ADGRA2: variants seen among roughly 807,000 people sequenced by gnomAD.
The protein encoded by ADGRA2 is G-protein coupled receptor 124.
A neutral mutation model predicts 98.7 loss-of-function variants in ADGRA2; 61 were observed. The ratio of observed to expected loss-of-function variants is 0.62; its 90% confidence interval spans 0.50 to 0.76. ADGRA2 has a LOEUF of 0.76. ADGRA2 is among the 30% of genes least tolerant of loss of function. ADGRA2 has a pLI of 0.00. For missense variants in ADGRA2, 1,712 were observed against 1,860.0 expected (o/e 0.92, Z 1.46); for synonymous variants, 858 against 831.5 (o/e 1.03, Z -0.55).
At chr8:37,829,624 A>C (rs1041841486) in intron 5 of ADGRA2, 65 bp downstream of exon 5, 8 of 1,212,286 alleles carry the variant, frequency 6.6e-6, no homozygotes, top group Admixed American at 5.1e-5. Flanking sequence ...GGAGAGATGT[A>C]TAAGTATCAT....
intron 2 of ADGRA2, 63 bp downstream of exon 2, chr8:37,815,030 G>T: frequency 8.9e-7 from 1 of 1,120,470 alleles, no homozygotes. Context: ...GGTCACCCCG[G>T]GGAGGAGGAG....
chr8:37,828,840 C>A, intron 2 of ADGRA2, 48 bp from the exon 3 acceptor site: 2 of 1,485,796 alleles, frequency 1.3e-6, no homozygotes, highest in Non-Finnish European at 1.8e-6. Flanking sequence ...GGGAGCAGGG[C>A]GGCTCCAGCG....
In ADGRA2 at chr8:37,841,174, G is replaced by T. The variant is rs201911857; in HGVS notation, c.2836G>T (p.Ala946Ser). The T allele has an allele frequency of 1.2e-6, 2 of 1,612,976 alleles. No individual in the cohort carries two copies. Among genetic ancestry groups the T allele is most frequent in the Non-Finnish European group, 8.5e-7 (1 of 1,179,994 alleles). ...CATCACCTGGATCTATTTCCTGTGC[G>T]CCGGGCTACGCTTACGGGGTCCTCT... ...LLITWIYFLC[A>S]GLRLRGPLAQ... is the part of the protein sequence containing the mutation. The change falls in exon 19 of 19, where the codon GCC (alanine) becomes TCC (serine). Residue 946 changes from alanine to serine, a missense_variant. By Grantham distance (99) the Ala-to-Ser change is moderately conservative. Transcript: ENST00000412232. This position sits in a 1 kb window ranked among gnomAD's most constrained non-coding sequence, Gnocchi z 5.0.
chr8:37,827,537 T>C (rs1285302214), intron 2 of ADGRA2, among the ~76,000 whole-genome samples: 1 of 152,214 alleles, frequency 6.6e-6, no homozygotes, highest in African/African-American at 2.4e-5. Flanking sequence ...GCTGCGGACT[T>C]ACCTGCCGCT....
intron 4 of ADGRA2, 37 bp downstream of exon 4, chr8:37,829,369 G>A: frequency 6.3e-7 from 1 of 1,585,322 alleles, no homozygotes. Context: ...GGGGAGGAGA[G>A]GGAAGAAGTG....
At chr8:37,829,168 A>C in intron 3 of ADGRA2, 93 bp from the exon 4 acceptor site, 2 of 966,938 alleles carry the variant, frequency 2.1e-6, no homozygotes, top group Non-Finnish European at 3.3e-6. Context: ...CCCACCCCCC[A>C]ACACAAGCCC....
chr8:37,816,024 G>A (rs7823249), intron 2 of ADGRA2, among the ~76,000 whole-genome samples: 2 of 152,030 alleles, frequency 1.3e-5, no homozygotes, highest in Non-Finnish European at 2.9e-5. Flanking sequence ...GCCCAAATGG[G>A]TCAGCGCAAT....
In ADGRA2 at chr8:37,843,540, A is replaced by G. The variant is rs1805879254; in HGVS notation, c.*1185A>G. 1 of 152,262 alleles carries G rather than the reference A, an allele frequency of 6.6e-6. No individual in the cohort carries two copies. The highest frequency in any genetic ancestry group is 1.5e-5 in the Non-Finnish European group (1 of 68,092). The allele number at this position is 152,262 out of a possible 1,614,324, so 9.4% of individuals were successfully genotyped here. A position where few individuals can be genotyped will look rare whatever the true frequency, so the allele number is the denominator to read the frequency against. ...AAACCAACCACCAGCATTTCACTAC[A>G]GGACCAAATGGAAACCGAGGGAACC... On this transcript the variant is annotated 3_prime_UTR_variant, in exon 19 of 19. Coordinates refer to ENST00000412232, the MANE Select transcript of ADGRA2 (RefSeq NM_032777.10).
Position 37,797,399 on chromosome 8 carries a change from G to A in ADGRA2, c.131G>A (p.Cys44Tyr). 7.0e-7 allele frequency: 1 copy of A among 1,434,170 alleles called. No individual in the cohort carries two copies. The highest frequency in any genetic ancestry group is 9.2e-7 in the Non-Finnish European group (1 of 1,092,074). 88.8% of individuals were successfully genotyped at this position (1,434,170 alleles called of 1,614,324 possible). A position where few individuals can be genotyped will look rare whatever the true frequency, so the allele number is the denominator to read the frequency against. Residue 44 changes from cysteine to tyrosine, a missense_variant, in exon 1 of 19, where the codon TGC becomes TAC. Coordinates refer to ENST00000412232, the MANE Select transcript of ADGRA2 (RefSeq NM_032777.10). The surrounding 1 kb of genome is among the most constrained non-coding windows in gnomAD (Gnocchi z 5.3). ...GGCTGCCCGCTATCCATCCGCAGCT[G>A]CAAGTGCTCGGGGGAGCGGCCCAAG... ...APGCPLSIRS[C>Y]KCSGERPKGL...
intron 2 of ADGRA2, among the ~76,000 whole-genome samples, chr8:37,824,002 C>T (rs1805197138): frequency 6.6e-6 from 1 of 151,756 alleles, no homozygotes. Context: ...CTGTGGTTCT[C>T]TTTCACTTTC....
At chr8:37,840,683 A>G (rs1805760898) in intron 17 of ADGRA2, 77 bp from the exon 18 acceptor site, 1 of 799,326 alleles carries the variant, frequency 1.3e-6, no homozygotes, top group African/African-American at 1.7e-5. Flanking sequence ...AGAAACATCA[A>G]GCAAAGGGCT....
At chr8:37,827,581 C>T (rs969204348) in intron 2 of ADGRA2, among the ~76,000 whole-genome samples, 2 of 152,238 alleles carry the variant, frequency 1.3e-5, no homozygotes, top group Non-Finnish European at 2.9e-5. Context: ...CCCTGGGATC[C>T]CTGGGGGGTC....
intron 2 of ADGRA2, among the ~76,000 whole-genome samples, chr8:37,824,216 G>T (rs1805203697): frequency 6.6e-6 from 1 of 151,874 alleles, no homozygotes; most frequent in Admixed American, 6.6e-5. Flanking sequence ...ATTTTTAGTA[G>T]AGATGGGTTT....
chr8:37,820,400 G>A (rs1017255995), intron 2 of ADGRA2, among the ~76,000 whole-genome samples: 46 of 152,188 alleles, frequency 3.0e-4, no homozygotes, highest in African/African-American at 9.9e-4. Context: ...CTGTCCCATG[G>A]GGCCTGGGAA....
chr8:37,839,273 G>GT (rs1044326560), intron 15 of ADGRA2, 190 bp downstream of exon 15: 24 of 635,944 alleles, frequency 3.8e-5, no homozygotes, highest in African/African-American at 1.6e-4. Flanking sequence ...CTTGGCAGGG[G>GT]TTTTTTCCCC....
rs1804923262 is a variant in ADGRA2, at chr8:37,814,457, CCTT to C, written c.267-436_267-434del. On this transcript the variant is annotated intron_variant, in intron 1 of 18. Coordinates refer to ENST00000412232, the MANE Select transcript of ADGRA2 (RefSeq NM_032777.10). This position sits in a 1 kb window ranked among gnomAD's most constrained non-coding sequence, Gnocchi z 4.3. ...AGGGCAGCTCCCGCCTGCCTCCAGA[CCTT>C]CTGGGCATCCTGGCCCCGTTCAAGC... Among the ~76,000 whole-genome samples, 1 of 152,232 alleles carries C rather than the reference CCTT, an allele frequency of 6.6e-6. No individual in the cohort carries two copies. Among genetic ancestry groups the C allele is most frequent in the Non-Finnish European group, 1.5e-5 (1 of 68,044 alleles).
At chr8:37,839,391 A>G in intron 15 of ADGRA2, 108 bp from the exon 16 acceptor site, 1 of 1,520,090 alleles carries the variant, frequency 6.6e-7, no homozygotes, top group South Asian at 1.3e-5. Context: ...CCAACCATTC[A>G]CACACGCAGA....
Position 37,830,844 on chromosome 8 carries a change from C to T in ADGRA2, c.853C>T (p.Arg285Ter), listed in dbSNP as rs371864107. Residue 285 changes from arginine to a stop codon, truncating the protein, a stop_gained, in exon 7 of 19, where the codon CGA (arginine) becomes TGA (stop). Transcript: ENST00000412232. LOFTEE classifies it high-confidence loss of function. This position sits in a 1 kb window ranked among gnomAD's most constrained non-coding sequence, Gnocchi z 4.8. ...NDTRIRWYHNRAPVEGDEQAG... is the reference protein window; with the variant it reads ...NDTRIRWYHN ...CACCCGCATCCGCTGGTACCACAAC[C>T]GAGCCCCTGTGGAGGGTGATGAGCA... 5.0e-6 allele frequency: 8 copies of T among 1,592,906 alleles called. No homozygotes were observed. Among genetic ancestry groups the T allele is most frequent in the African/African-American group, 4.0e-5 (3 of 74,600 alleles).
rs563950241 is a variant in ADGRA2 at position 37,841,959 on chromosome 8, C to T, written c.3621C>T (p.Gly1207=). The stretch of plus-strand genomic sequence containing the variant: ...ACCGGCTCAAGGCCCTGCGCGGGGG[C>T]GCGGCGGGGGCGCTGGAGCTGCTGT... ...GKNRLKALRG[G]AAGALELLSS... is the part of the protein sequence containing the mutation. The change falls in exon 19 of 19, where the codon GGC becomes GGT. Residue 1207 remains glycine (G), a synonymous_variant. Coordinates refer to ENST00000412232, the MANE Select transcript of ADGRA2 (RefSeq NM_032777.10). This position sits in a 1 kb window ranked among gnomAD's most constrained non-coding sequence, Gnocchi z 5.0. 524 of 1,502,284 alleles carry T rather than the reference C, an allele frequency of 3.5e-4. 11 individuals carry two copies. The South Asian group carries it at 6.1e-3, about 18-fold the overall frequency. The allele number at this position is 1,502,284 out of a possible 1,614,324, so 93.1% of individuals were successfully genotyped here. A position where few individuals can be genotyped will look rare whatever the true frequency, so the allele number is the denominator to read the frequency against.
Sources: allele counts gnomAD v4.1 joint callset (sites outside exome capture counted in the v4.1 genomes callset), GRCh38; gene constraint gnomAD v4.1.1; non-coding constraint Gnocchi (gnomAD v3.1); transcripts MANE v1.5; gene names NCBI Gene and HGNC (gene_info 2026-07-23, HGNC 2026-07-21).